The following PHF12 variants were observed in gnomAD, a reference collection of about 807,000 sequenced individuals.
PHF12 encodes PHD factor 1.
PHF12 carries 6 observed loss-of-function variants against 99.8 expected under a neutral mutation model. The ratio of observed to expected loss-of-function variants is 0.06; its 90% CI spans 0.03 to 0.12. The LOEUF (loss-of-function observed/expected upper bound fraction) is 0.12. Among genes scored for constraint, PHF12 ranks in the 10% least tolerant of loss-of-function variants. PHF12 has a pLI of 1.00. For synonymous variants in PHF12, 480 were observed against 514.9 expected, an observed-to-expected ratio of 0.93 and a Z score of 0.92; for missense variants, 954 against 1,300.1, an observed-to-expected ratio of 0.73 and a Z score of 4.09.
intron 2 of PHF12, among the ~76,000 whole-genome samples, chr17:28,931,696 C>A (rs2040410665): frequency 6.6e-6 from 1 of 151,874 alleles, no homozygotes; most frequent in South Asian, 2.1e-4. Flanking sequence ...ATTCTCCTGC[C>A]TCAGCCTCCC....
At chr17:28,944,886 ATAATGT>A (rs2040694847) in intron 2 of PHF12, 1 of 152,190 alleles carries the variant, frequency 6.6e-6, no homozygotes, top group East Asian at 1.9e-4. Flanking sequence ...TGCTGACAAG[ATAATGT>A]TAAAGTTAAT....
chr17:28,927,002 C>T lies in PHF12; in HGVS notation c.310G>A (p.Val104Ile). 1 of 1,614,134 alleles carries T rather than the reference C, an allele frequency of 6.2e-7. No individual in the cohort carries two copies. Among genetic ancestry groups the T allele is most frequent in the Non-Finnish European group, 8.5e-7 (1 of 1,179,960 alleles). Residue 104 changes from valine to isoleucine, a missense_variant, in exon 3 of 15, where the codon GTT becomes ATT. Val to Ile is a conservative substitution (Grantham distance 29, BLOSUM62 3). Transcript: ENST00000332830. ...PGEWMCHRCT[V>I]RRKKREQKKE... ...AGCAGCATTATTACCTTTCGGCGAA[C>T]AGTGCACCGGTGACACATCCACTCT...
chr17:28,951,093 C>G lies in PHF12; in HGVS notation c.-133G>C. The G allele has an allele frequency of 6.8e-7, 1 of 1,472,488 alleles. No homozygotes were observed. Among genetic ancestry groups the G allele is most frequent in the South Asian group, 1.3e-5 (1 of 74,932 alleles). 91.2% of individuals were successfully genotyped at this position (1,472,488 alleles called of 1,614,324 possible). On this transcript the variant is annotated 5_prime_UTR_variant, in exon 1 of 15. Coordinates refer to ENST00000332830, the MANE Select transcript of PHF12 (RefSeq NM_001033561.2). Reference sequence around the variant, plus strand: ...CAATACGGGTCCCGACTTCCTCGCCCTGGCTCCCCCCCACCCCCCGGCCCC... The same window carrying G: ...CAATACGGGTCCCGACTTCCTCGCCGTGGCTCCCCCCCACCCCCCGGCCCC...
At chr17:28,907,107 T>G (rs2039884843) in intron 13 of PHF12, 113 bp from the exon 14 acceptor site, 1 of 1,264,496 alleles carries the variant, frequency 7.9e-7, no homozygotes, top group Non-Finnish European at 1.1e-6. Context: ...AGTCCTTACT[T>G]GCCTCCCCAG....
Position 28,906,294 on chromosome 17 carries a change from C to A in PHF12, c.2904G>T (p.Ala968=), listed in dbSNP as rs141686259. The A allele has an allele frequency of 6.2e-7, 1 of 1,614,178 alleles. No individual in the cohort carries two copies. ...TGGCATCGCCTTTGGGCTGTTTGGT[C>A]GCAAACTCAGTGATGCTGAAGACAA... ...LQFVFSITEF[A]TKQPKGDASL... is the part of the protein sequence containing the mutation. The change falls in exon 15 of 15, where the codon GCG becomes GCT. Residue 968 remains alanine, a synonymous_variant. Coordinates refer to ENST00000332830, the MANE Select transcript of PHF12 (RefSeq NM_001033561.2). The surrounding 1 kb of genome is among the most constrained non-coding windows in gnomAD (Gnocchi z 4.2).
At position 28,912,753 on chromosome 17, in the gene PHF12, A is replaced by G; in HGVS notation, c.1818T>C (p.Asn606=). ...GGGGGCAAGAGCTGGGGCCAGTGGC[A>G]TTCTCTGTCTTCACAATGATGCCGA... ...HTVGIIVKTE[N]ATGPSSCPQR... The change falls in exon 9 of 15, where the codon AAT becomes AAC. Residue 606 remains asparagine (N), a synonymous_variant. Transcript: ENST00000332830. 6.2e-7 allele frequency: 1 copy of G among 1,614,136 alleles called. No individual in the cohort carries two copies. Among genetic ancestry groups the G allele is most frequent in the Non-Finnish European group, 8.5e-7 (1 of 1,180,002 alleles).
chr17:28,921,944 C>T (rs1162405794), intron 4 of PHF12, 136 bp from the exon 5 acceptor site: 2 of 1,192,444 alleles, frequency 1.7e-6, no homozygotes, highest in Admixed American at 2.7e-5. Flanking sequence ...CTCTGAGGCC[C>T]CTGGGGTTGA....
chr17:28,950,584 G>C lies in PHF12; in HGVS notation c.66+311C>G. The C allele has an allele frequency of 1.9e-6, 1 of 516,416 alleles. No homozygotes were observed. The highest frequency in any genetic ancestry group is 3.4e-6 in the Non-Finnish European group (1 of 293,096). 32.0% of individuals were successfully genotyped at this position (516,416 alleles called of 1,614,324 possible). On this transcript the variant is annotated intron_variant, in intron 1 of 14. Coordinates refer to ENST00000332830, the MANE Select transcript of PHF12 (RefSeq NM_001033561.2). This position sits in a 1 kb window ranked among gnomAD's most constrained non-coding sequence, Gnocchi z 5.7. ...GGGAGAGGCCCAAAGCCCGGTACCC[G>C]GACGTGCTGGGGGAAGCACAAAGGG...
intron 10 of PHF12, 83 bp from the exon 11 acceptor site, chr17:28,910,452 T>C (rs553314750): frequency 2.0e-6 from 3 of 1,473,028 alleles, no homozygotes; most frequent in South Asian, 1.3e-5. Context: ...GAGCAAATAG[T>C]TTGGCATTTC....
At chr17:28,921,885 T>C (rs1011245310) in intron 4 of PHF12, 77 bp from the exon 5 acceptor site, 3 of 1,580,152 alleles carry the variant, frequency 1.9e-6, no homozygotes, top group African/African-American at 2.7e-5. Context: ...CAACATTAAG[T>C]GACAAAAACA....
Position 28,906,102 on chromosome 17 carries a change from C to T in PHF12, c.*81G>A, listed in dbSNP as rs1473713300. 7.2e-7 allele frequency: 1 copy of T among 1,393,598 alleles called. No homozygotes were observed. The highest frequency in any genetic ancestry group is 9.6e-7 in the Non-Finnish European group (1 of 1,036,912). 86.3% of individuals were successfully genotyped at this position (1,393,598 alleles called of 1,614,324 possible). ...GGTTTCTGGTAGAGTATAGAAAACA[C>T]CCGGGCTTGGTTTGTGTACATTTTT... On this transcript the variant is annotated 3_prime_UTR_variant, in exon 15 of 15. Coordinates refer to ENST00000332830, the MANE Select transcript of PHF12 (RefSeq NM_001033561.2). The surrounding 1 kb of genome is among the most constrained non-coding windows in gnomAD (Gnocchi z 4.2).
At chr17:28,930,646 C>A (rs552954047) in intron 2 of PHF12, among the ~76,000 whole-genome samples, 1 of 152,344 alleles carries the variant, frequency 6.6e-6, no homozygotes, top group East Asian at 1.9e-4. Context: ...TTTTAATCTT[C>A]TTTAAACAAT....
At chr17:28,908,539 C>G (rs893214275) in intron 12 of PHF12, 2 of 502,302 alleles carry the variant, frequency 4.0e-6, no homozygotes, top group Non-Finnish European at 7.2e-6. Flanking sequence ...AGGCTGGTCT[C>G]GAAGTCCTGG....
intron 2 of PHF12, chr17:28,945,012 C>T (rs1301939501): frequency 1.3e-5 from 2 of 152,246 alleles, no homozygotes; most frequent in African/African-American, 2.4e-5. Flanking sequence ...TGACAGCTCA[C>T]TCCTATAATC....
At chr17:28,929,200 A>G (rs912235440) in intron 2 of PHF12, among the ~76,000 whole-genome samples, 1 of 151,686 alleles carries the variant, frequency 6.6e-6, no homozygotes, top group Non-Finnish European at 1.5e-5. Context: ...TATGCAGGAA[A>G]TTTTTCTTCA....
chr17:28,907,110 C>T (rs1228076767), intron 13 of PHF12, 116 bp from the exon 14 acceptor site: 2 of 1,242,896 alleles, frequency 1.6e-6, no homozygotes, highest in African/African-American at 1.5e-5. Flanking sequence ...CCTTACTTGC[C>T]TCCCCAGTCA....
In PHF12 at chr17:28,944,170, A is replaced by C. The variant is rs2040676843; in HGVS notation, c.248+5895T>G. 1.3e-5 allele frequency among the ~76,000 whole-genome samples: 2 copies of C among 152,242 alleles called. 1 individual carries two copies. Among genetic ancestry groups the C allele is most frequent in the South Asian group, 4.1e-4 (2 of 4,836 alleles). On this transcript the variant is annotated intron_variant, in intron 2 of 14. Transcript: ENST00000332830. ...TAAAAATACACAAGTCATTTACAAAAGCCAAAACTGTCCTAATATATTATT... is the reference window on the plus strand; with the variant it reads ...TAAAAATACACAAGTCATTTACAAACGCCAAAACTGTCCTAATATATTATT...
intron 2 of PHF12, among the ~76,000 whole-genome samples, chr17:28,941,155 G>T (rs1359735789): frequency 6.6e-6 from 1 of 151,636 alleles, no homozygotes; most frequent in Non-Finnish European, 1.5e-5. Context: ...AAACCCAAAC[G>T]GAATCTTTTA....
At chr17:28,910,619 G>C (rs1281251227) in intron 10 of PHF12, 1 of 549,220 alleles carries the variant, frequency 1.8e-6, no homozygotes, top group African/African-American at 1.9e-5. Flanking sequence ...TTTAATTAAA[G>C]TGCCCCTAGA....
Sources: gnomAD v4.1 joint callset for allele counts (sites outside exome capture counted in the v4.1 genomes callset) on GRCh38, gnomAD v4.1.1 for gene constraint, Gnocchi (gnomAD v3.1) non-coding constraint, MANE v1.5 for transcripts, NCBI Gene and HGNC (gene_info 2026-07-23, HGNC 2026-07-21) for gene names.